The following SHISAL1 variants were observed in gnomAD, a reference collection of about 807,000 sequenced individuals.
The protein encoded by SHISAL1 is protein shisa-like-1.
Under a neutral mutation model 22.6 loss-of-function variants are expected in SHISAL1, and 9 were observed. The ratio of observed to expected loss-of-function variants is 0.40; its 90% CI spans 0.24 to 0.70. The LOEUF (loss-of-function observed/expected upper bound fraction) is 0.70, where lower values mean the gene tolerates loss of function less well. Among genes scored for constraint, SHISAL1 ranks in the 30% least tolerant of loss-of-function variants. The pLI is 0.39. For synonymous variants in SHISAL1, 119 were observed against 115.4 expected, an observed-to-expected ratio of 1.03 and a Z score of -0.20; for missense variants, 246 against 270.6, an observed-to-expected ratio of 0.91 and a Z score of 0.64.
Position 44,293,234 on chromosome 22 carries a change from G to A in SHISAL1, c.281+3438C>T, listed in dbSNP as rs73888978. 3.6e-3 allele frequency among the ~76,000 whole-genome samples: 547 copies of A among 152,328 alleles called. 4 individuals carry two copies. Among genetic ancestry groups the A allele is most frequent in the African/African-American group, 0.013 (524 of 41,568 alleles). On this transcript the variant is annotated intron_variant, in intron 3 of 4. Coordinates refer to ENST00000381176, the MANE Select transcript of SHISAL1 (RefSeq NM_001099294.2). ...ATGACAGGAGAAGCCTGGGGGAGGAGAAGGAGCTGCGTCCTCCTCTGTGTG... is the reference window on the plus strand; with the variant it reads ...ATGACAGGAGAAGCCTGGGGGAGGAAAAGGAGCTGCGTCCTCCTCTGTGTG...
At chr22:44,289,004 A>T (rs1473855305) in intron 3 of SHISAL1, among the ~76,000 whole-genome samples, 1 of 152,188 alleles carries the variant, frequency 6.6e-6, no homozygotes, top group Non-Finnish European at 1.5e-5. Context: ...ACCAACACAT[A>T]CTGACAGCTG....
chr22:44,274,131 A>G, intron 4 of SHISAL1, among the ~76,000 whole-genome samples: 1 of 134,316 alleles, frequency 7.4e-6, no homozygotes, highest in East Asian at 2.2e-4. Context: ...CTGTAATCCC[A>G]GCTACTCGGG....
chr22:44,301,855 T>G (rs184572806), intron 1 of SHISAL1, among the ~76,000 whole-genome samples: 1 of 152,136 alleles, frequency 6.6e-6, no homozygotes, highest in African/African-American at 2.4e-5. Context: ...AGGAGTCCCA[T>G]TCACAGAAGA....
chr22:44,310,763 C>T lies in SHISAL1; in HGVS notation c.-33+1988G>A, dbSNP rs1428264551. ...TCTACGTCTGATTTCCCCAGTTCATCTTTCCGTGCTTTGCTTGTTCCTTTA... is the reference window on the plus strand; with the variant it reads ...TCTACGTCTGATTTCCCCAGTTCATTTTTCCGTGCTTTGCTTGTTCCTTTA... On this transcript the variant is annotated intron_variant, in intron 1 of 4. Transcript: ENST00000381176. The surrounding 1 kb of genome is among the most constrained non-coding windows in gnomAD (Gnocchi z 4.0). 6.6e-6 allele frequency among the ~76,000 whole-genome samples: 1 copy of T among 152,088 alleles called. No individual in the cohort carries two copies. The highest frequency in any genetic ancestry group is 1.5e-5 in the Non-Finnish European group (1 of 68,028).
At chr22:44,301,532 A>C (rs1447441217) in intron 1 of SHISAL1, among the ~76,000 whole-genome samples, 1 of 152,234 alleles carries the variant, frequency 6.6e-6, no homozygotes, top group Non-Finnish European at 1.5e-5. Flanking sequence ...ATGAATGTTT[A>C]AAATGCTCCG....
the SHISAL1 span, among the ~76,000 whole-genome samples, chr22:44,320,679 C>G: frequency 3.4e-3 from 512 of 152,362 alleles, 3 homozygotes; most frequent in African/African-American, 0.01. Context: ...GTGACCCCCT[C>G]TTTGGCCCAG....
At chr22:44,284,893 T>TCCTGCCTGCCTC in intron 4 of SHISAL1, among the ~76,000 whole-genome samples, 1 of 144,108 alleles carries the variant, frequency 6.9e-6, no homozygotes, top group Non-Finnish European at 1.5e-5. Flanking sequence ...CTCTCTGCCT[T>TCCTGCCTGCCTC]CCTGCCTTCC....
rs908279966 is a variant in SHISAL1 at position 44,249,561 on chromosome 22, C to T, written c.*124G>A. The T allele has an allele frequency of 1.5e-6, 1 of 663,092 alleles. No individual in the cohort carries two copies. Among genetic ancestry groups the T allele is most frequent in the African/African-American group, 1.8e-5 (1 of 55,052 alleles). 41.1% of individuals were successfully genotyped at this position (663,092 alleles called of 1,614,324 possible). On this transcript the variant is annotated 3_prime_UTR_variant, in exon 5 of 5. Coordinates refer to ENST00000381176, the MANE Select transcript of SHISAL1 (RefSeq NM_001099294.2). ...GGGGCTTTGGGCACAGGCAGCATTTCCTCCTGTGCCACCGCCGCTACCTCG... is the reference window on the plus strand; with the variant it reads ...GGGGCTTTGGGCACAGGCAGCATTTTCTCCTGTGCCACCGCCGCTACCTCG...
At chr22:44,263,395 T>G (rs760964554) in intron 4 of SHISAL1, among the ~76,000 whole-genome samples, 39 of 152,126 alleles carry the variant, frequency 2.6e-4, no homozygotes, top group Non-Finnish European at 5.0e-4. Context: ...TTCTAAGGGA[T>G]TCTCACAGGG....
Position 44,285,422 on chromosome 22 carries a change from A to G in SHISAL1, c.599+6T>C. The G allele has an allele frequency of 1.7e-5, 27 of 1,613,834 alleles. No homozygotes were observed. The highest frequency in any genetic ancestry group is 2.3e-5 in the Non-Finnish European group (27 of 1,179,786). On this transcript the variant is annotated splice_donor_region_variant and intron_variant, in intron 4 of 4. Coordinates refer to ENST00000381176, the MANE Select transcript of SHISAL1 (RefSeq NM_001099294.2). ...ATCATTCTGGGTCTCAATTGTAGCC[A>G]CTCACCAGGCAGACGAACTCTGGAA...
intron 4 of SHISAL1, 126 bp from the exon 5 acceptor site, chr22:44,249,811 G>A (rs1453734936): frequency 8.6e-6 from 6 of 701,680 alleles, no homozygotes; most frequent in Admixed American, 4.5e-5. Context: ...TCTGAACATT[G>A]CGAACCATGT....
At chr22:44,296,582 A>ACC in intron 3 of SHISAL1, 90 bp downstream of exon 3, 2 of 1,157,544 alleles carry the variant, frequency 1.7e-6, no homozygotes, top group Non-Finnish European at 2.6e-6. Context: ...GCGGTTACCC[A>ACC]ACCGCCTCCC....
the SHISAL1 span, among the ~76,000 whole-genome samples, chr22:44,328,508 CTGT>C: frequency 1.4e-3 from 211 of 152,316 alleles, no homozygotes; most frequent in African/African-American, 5.0e-3. Flanking sequence ...AAGTCCTGTA[CTGT>C]GGACACAGAC....
rs1199504248 is a variant in SHISAL1 at position 44,249,539 on chromosome 22, G to C, written c.*146C>G. 19 of 668,856 alleles carry C rather than the reference G, an allele frequency of 2.8e-5. No homozygotes were observed. Among genetic ancestry groups the C allele is most frequent in the Non-Finnish European group, 2.5e-5 (9 of 363,084 alleles). The allele number at this position is 668,856 out of a possible 1,614,324, so 41.4% of individuals were successfully genotyped here. ...TAATCTTAGAAGTCCGCGGAAGGGG[G>C]CTTTGGGCACAGGCAGCATTTCCTC... On this transcript the variant is annotated 3_prime_UTR_variant, in exon 5 of 5. Transcript: ENST00000381176.
intron 4 of SHISAL1, among the ~76,000 whole-genome samples, chr22:44,284,897 G>GCCTGCCTGCCTGCCTTCCTTCCTT (rs570595554): frequency 0.044 from 5,927 of 134,464 alleles, 155 homozygotes; most frequent in East Asian, 0.075. Flanking sequence ...CTGCCTTCCT[G>GCCTGCCTGCCTGCCTTCCTTCCTT]CCTTCCTTCC....
chr22:44,296,995 C>G (rs2055391829), intron 2 of SHISAL1, 110 bp from the exon 3 acceptor site: 1 of 810,076 alleles, frequency 1.2e-6, no homozygotes, highest in Non-Finnish European at 2.0e-6. Context: ...TCTTCCCTCC[C>G]CTGGATGCCT....
At position 44,309,008 on chromosome 22, in the gene SHISAL1, C is replaced by T. The variant is rs556107785; in HGVS notation, c.-33+3743G>A. On this transcript the variant is annotated intron_variant, in intron 1 of 4. Transcript: ENST00000381176. Reference sequence around the variant, plus strand: ...CGGAGCTCAGGAGTCTGGGCCTTTGCCCAGCTGGTCCTGCCCGTGGGCATC... The same window carrying T: ...CGGAGCTCAGGAGTCTGGGCCTTTGTCCAGCTGGTCCTGCCCGTGGGCATC... Among the ~76,000 whole-genome samples the T allele has an allele frequency of 2.0e-5, 3 of 152,332 alleles. No individual in the cohort carries two copies. The South Asian group carries it at 6.2e-4, about 32-fold the overall frequency.
At chr22:44,255,493 C>T (rs2055078266) in intron 4 of SHISAL1, among the ~76,000 whole-genome samples, 1 of 152,126 alleles carries the variant, frequency 6.6e-6, no homozygotes, top group Admixed American at 6.5e-5. Context: ...CCTTTCATAC[C>T]CCATATCCAA....
At chr22:44,271,277 C>A (rs1351768747) in intron 4 of SHISAL1, among the ~76,000 whole-genome samples, 1 of 152,186 alleles carries the variant, frequency 6.6e-6, no homozygotes, top group African/African-American at 2.4e-5. Context: ...TCCTGCCTGC[C>A]CCCACCTGCA....
Sources: gnomAD v4.1 joint callset for allele counts (sites outside exome capture counted in the v4.1 genomes callset) on GRCh38, gnomAD v4.1.1 for gene constraint, Gnocchi (gnomAD v3.1) non-coding constraint, MANE v1.5 for transcripts, NCBI Gene and HGNC (gene_info 2026-07-23, HGNC 2026-07-21) for gene names.